The following LIPA variants were observed in gnomAD, a reference collection of about 807,000 sequenced individuals.
LIPA encodes the protein lipase A, lysosomal acid type.
Under a neutral mutation model 40.6 loss-of-function variants are expected in LIPA, and 26 were observed. The ratio of observed to expected loss-of-function variants is 0.64; its 90% CI spans 0.47 to 0.89. LIPA has a LOEUF of 0.89. LIPA is among the 40% of genes least tolerant of loss of function. LIPA has a pLI of 0.00. For synonymous variants in LIPA, 188 were observed against 168.4 expected, an observed-to-expected ratio of 1.12 and a Z score of -0.90; for missense variants, 455 against 479.6, an observed-to-expected ratio of 0.95 and a Z score of 0.48.
chr10:89,389,413 G>A (rs1196080912), intron 2 of LIPA, among the ~76,000 whole-genome samples: 1 of 152,156 alleles, frequency 6.6e-6, no homozygotes, highest in Non-Finnish European at 1.5e-5. Flanking sequence ...CAAACTGATG[G>A]AAAGGACTGC....
chr10:89,341,661 T>C (rs1442806637), intron 1 of LIPA, among the ~76,000 whole-genome samples: 2 of 152,166 alleles, frequency 1.3e-5, no homozygotes, highest in Non-Finnish European at 2.9e-5. Flanking sequence ...GAAACTTGCT[T>C]GTAGGTTCAT....
chr10:89,261,537 T>A (rs1564771394), intron 1 of LIPA, among the ~76,000 whole-genome samples: 1 of 151,804 alleles, frequency 6.6e-6, no homozygotes, highest in Admixed American at 6.6e-5. Flanking sequence ...AAATTAAAAT[T>A]TAAAAAATCA....
chr10:89,352,140 T>C (rs998860317), intron 2 of LIPA, among the ~76,000 whole-genome samples: 1 of 152,202 alleles, frequency 6.6e-6, no homozygotes, highest in Non-Finnish European at 1.5e-5. Context: ...CATTCCTTTA[T>C]TGCCTTTAGC....
chr10:89,330,356 G>A (rs1475754899), intron 1 of LIPA, among the ~76,000 whole-genome samples: 2 of 152,238 alleles, frequency 1.3e-5, no homozygotes, highest in African/African-American at 4.8e-5. Context: ...TCAGAGCAGA[G>A]TCATTAATGG....
chr10:89,393,988 A>C (rs1406021577), intron 2 of LIPA, among the ~76,000 whole-genome samples: 1 of 152,178 alleles, frequency 6.6e-6, no homozygotes, highest in African/African-American at 2.4e-5. Flanking sequence ...GTGTTATGTA[A>C]ATTATTCCAT....
chr10:89,395,624 A>T (rs1844331655), intron 2 of LIPA, among the ~76,000 whole-genome samples: 1 of 152,228 alleles, frequency 6.6e-6, no homozygotes, highest in Non-Finnish European at 1.5e-5. Context: ...CATCTGCCTG[A>T]TATAAACAAG....
chr10:89,402,974 A>T, intron 2 of LIPA: 1 of 1,614,118 alleles, frequency 6.2e-7, no homozygotes, highest in Non-Finnish European at 8.5e-7. Context: ...AAGGACAGGA[A>T]GCTGAAGGAG....
At chr10:89,376,060 C>G (rs1844118564) in intron 2 of LIPA, among the ~76,000 whole-genome samples, 1 of 151,852 alleles carries the variant, frequency 6.6e-6, no homozygotes, top group South Asian at 2.1e-4. Flanking sequence ...TGGTGGTGCA[C>G]ACCTGTAGTG....
intron 1 of LIPA, chr10:89,307,285 T>C (rs201801294): frequency 1.9e-6 from 3 of 1,613,874 alleles, no homozygotes; most frequent in Middle Eastern, 1.6e-4. Flanking sequence ...AGGAGCTGAA[T>C]GAAAAAATGC....
At chr10:89,316,160 CAGA>C (rs1843540391) in intron 1 of LIPA, among the ~76,000 whole-genome samples, 2 of 152,108 alleles carry the variant, frequency 1.3e-5, no homozygotes, top group Non-Finnish European at 2.9e-5. Flanking sequence ...ATGAGTGATG[CAGA>C]AGATGGTAGT....
intron 1 of LIPA, among the ~76,000 whole-genome samples, chr10:89,248,313 C>T (rs947370630): frequency 6.6e-6 from 1 of 151,398 alleles, no homozygotes; most frequent in African/African-American, 2.4e-5. Context: ...AGGTGCAGGC[C>T]ACCATGCCCG....
chr10:89,402,885 C>T, intron 2 of LIPA: 1 of 1,614,202 alleles, frequency 6.2e-7, no homozygotes, highest in Non-Finnish European at 8.5e-7. Context: ...ATTTTCTTTG[C>T]TTCCCCTAAG....
intron 2 of LIPA, among the ~76,000 whole-genome samples, chr10:89,373,667 A>G (rs943256618): frequency 6.6e-6 from 1 of 152,214 alleles, no homozygotes; most frequent in African/African-American, 2.4e-5. Context: ...TCAGAGCCTC[A>G]TAGAAAATAG....
intron 3 of LIPA, among the ~76,000 whole-genome samples, chr10:89,236,905 G>GAA (rs1302299186): frequency 6.6e-6 from 1 of 152,192 alleles, no homozygotes. Context: ...AAAAGAAGGT[G>GAA]AAGAATCTAA....
intron 1 of LIPA, among the ~76,000 whole-genome samples, chr10:89,323,891 A>G (rs1319756635): frequency 6.6e-6 from 1 of 152,238 alleles, no homozygotes; most frequent in East Asian, 1.9e-4. Context: ...CTAACAAGCT[A>G]CCAATGACAG....
chr10:89,314,468 G>C (rs1054541139), intron 1 of LIPA: 1 of 152,282 alleles, frequency 6.6e-6, no homozygotes, highest in Non-Finnish European at 1.5e-5. Flanking sequence ...TAGAGATCGA[G>C]ACCATCCTGG....
At chr10:89,312,531 C>A (rs1843521954) in intron 1 of LIPA, among the ~76,000 whole-genome samples, 1 of 152,102 alleles carries the variant, frequency 6.6e-6, no homozygotes, top group African/African-American at 2.4e-5. Flanking sequence ...ATCTGTTTGT[C>A]TCATTTCAAG....
intron 3 of LIPA, 37 bp downstream of exon 3, chr10:89,245,639 A>C (rs2133463931): frequency 1.9e-6 from 2 of 1,040,558 alleles, no homozygotes; most frequent in Non-Finnish European, 3.0e-6. Context: ...AAAACCCAGA[A>C]GAATTCTGGT....
chr10:89,379,893 G>A (rs1270475022), intron 2 of LIPA, among the ~76,000 whole-genome samples: 1 of 152,084 alleles, frequency 6.6e-6, no homozygotes, highest in Non-Finnish European at 1.5e-5. Context: ...AAATTAGCCG[G>A]GAGTGGTGGC....
Sources: allele counts gnomAD v4.1 joint callset (sites outside exome capture counted in the v4.1 genomes callset), GRCh38; gene constraint gnomAD v4.1.1; transcripts MANE v1.5; gene names NCBI Gene and HGNC (gene_info 2026-07-23, HGNC 2026-07-21).